The following CDK5RAP2 variants were observed in gnomAD, a reference collection of about 807,000 sequenced individuals.
CDK5RAP2 encodes the protein CDK5 regulatory subunit associated protein 2.
CDK5RAP2 carries 147 observed loss-of-function variants against 232.9 expected under a neutral mutation model. The ratio of observed to expected loss-of-function variants is 0.63; its 90% CI spans 0.55 to 0.72. The LOEUF (loss-of-function observed/expected upper bound fraction) is 0.72. CDK5RAP2 is among the 30% of genes least tolerant of loss of function. CDK5RAP2 has a pLI of 0.00. For synonymous variants in CDK5RAP2, 833 were observed against 833.7 expected (o/e 1.00, Z 0.01); for missense variants, 2,195 against 2,231.5 (o/e 0.98, Z 0.33).
intron 12 of CDK5RAP2, among the ~76,000 whole-genome samples, chr9:120,500,914 C>T (rs1196129221): frequency 3.9e-5 from 6 of 152,078 alleles, no homozygotes; most frequent in African/African-American, 1.2e-4. Flanking sequence ...GGCTAAAGAA[C>T]GGGTACTGAG....
Position 120,439,424 on chromosome 9 carries a change from T to G in CDK5RAP2, c.3697A>C (p.Lys1233Gln). ...LFSEIHNLQNKFRDLSPPRYD... is the reference protein window; with the variant it reads ...LFSEIHNLQNQFRDLSPPRYD... ...CTGGGAGGTGAGAGATCTCTGAACT[T>G]ATTCTGCAGATTATGGATCTCACTG... Residue 1233 changes from lysine (K) to glutamine (Q), a missense_variant, in exon 24 of 38, where the codon AAG becomes CAG. Transcript: ENST00000349780. 4.3e-6 allele frequency: 7 copies of G among 1,614,138 alleles called. No homozygotes were observed. The highest frequency in any genetic ancestry group is 5.9e-6 in the Non-Finnish European group (7 of 1,179,982).
Position 120,460,656 on chromosome 9 carries a change from G to C in CDK5RAP2, c.2118C>G (p.Ser706Arg). The C allele has an allele frequency of 6.2e-7, 1 of 1,613,880 alleles. No homozygotes were observed. Among genetic ancestry groups the C allele is most frequent in the Non-Finnish European group, 8.5e-7 (1 of 1,179,968 alleles). ...ASTEQTELLA[S>R]KEDEDTIKIG... ...TTTTGATCGTGTCCTCGTCCTCCTT[G>C]CTAGCCAGAAGCTACATGGAGCATG... The change falls in exon 19 of 38, where the codon AGC becomes AGG. Residue 706 changes from serine to arginine, a missense_variant. Physicochemically the swap from Ser to Arg is moderately radical, Grantham distance 110. Transcript: ENST00000349780.
At chr9:120,454,599 GA>G (rs1223288751) in intron 20 of CDK5RAP2, among the ~76,000 whole-genome samples, 1 of 152,204 alleles carries the variant, frequency 6.6e-6, no homozygotes, top group Non-Finnish European at 1.5e-5. Context: ...CGGCTGTGTG[GA>G]CAGTTCCCAT....
chr9:120,471,727 C>G, intron 16 of CDK5RAP2, 21 bp downstream of exon 16: 6 of 1,613,948 alleles, frequency 3.7e-6, no homozygotes, highest in Non-Finnish European at 5.1e-6. Flanking sequence ...CAAAGAGAAG[C>G]ACATAGAATA....
chr9:120,486,823 C>T (rs548206960), intron 14 of CDK5RAP2, among the ~76,000 whole-genome samples: 2 of 152,214 alleles, frequency 1.3e-5, no homozygotes, highest in African/African-American at 2.4e-5. Context: ...TCAGTCCAGG[C>T]AGATGGAACT....
chr9:120,539,011 A>T (rs777127359), intron 6 of CDK5RAP2, 30 bp downstream of exon 6: 1 of 1,612,436 alleles, frequency 6.2e-7, no homozygotes, highest in Non-Finnish European at 8.5e-7. Flanking sequence ...ACTATAAGAA[A>T]TACACTGCCC....
chr9:120,568,180 A>G, intron 3 of CDK5RAP2, 141 bp downstream of exon 3: 1 of 749,838 alleles, frequency 1.3e-6, no homozygotes, highest in Admixed American at 1.8e-5. Context: ...AGTCTCACAG[A>G]AGATGTCCAT....
At chr9:120,548,316 T>C (rs1026546696) in intron 4 of CDK5RAP2, among the ~76,000 whole-genome samples, 4 of 152,164 alleles carry the variant, frequency 2.6e-5, no homozygotes, top group Admixed American at 6.6e-5. Flanking sequence ...TGATATAATA[T>C]ACTCTACGTG....
At chr9:120,470,877 C>T (rs764558149) in intron 16 of CDK5RAP2, among the ~76,000 whole-genome samples, 1 of 152,134 alleles carries the variant, frequency 6.6e-6, no homozygotes, top group Non-Finnish European at 1.5e-5. Context: ...TCATTTAACA[C>T]ACACGTGTAA....
At chr9:120,418,384 G>A (rs2034363817) in intron 27 of CDK5RAP2, among the ~76,000 whole-genome samples, 1 of 152,228 alleles carries the variant, frequency 6.6e-6, no homozygotes, top group African/African-American at 2.4e-5. Context: ...GAACTGCCTA[G>A]TGAAAAGAAT....
chr9:120,453,674 T>C lies in CDK5RAP2; in HGVS notation c.2575A>G (p.Lys859Glu). Reference sequence around the variant, plus strand: ...CCTACCTTGGGCACTTCGCCTGCCTTTACTAGCTGGGCCTCACAAGACAAC... The same window carrying C: ...CCTACCTTGGGCACTTCGCCTGCCTCTACTAGCTGGGCCTCACAAGACAAC... ...LKLSCEAQLV[K>E]AGEVPKVGLK... The change falls in exon 21 of 38, where the codon AAG (lysine) becomes GAG (glutamate). Residue 859 changes from lysine (K) to glutamate (E), a missense_variant. Physicochemically the swap from Lys to Glu is moderately conservative, Grantham distance 56. Coordinates refer to ENST00000349780, the MANE Select transcript of CDK5RAP2 (RefSeq NM_018249.6). 1 of 1,614,206 alleles carries C rather than the reference T, an allele frequency of 6.2e-7. No homozygotes were observed. Among genetic ancestry groups the C allele is most frequent in the Non-Finnish European group, 8.5e-7 (1 of 1,180,034 alleles).
chr9:120,422,262 T>A (rs891986492), intron 26 of CDK5RAP2, among the ~76,000 whole-genome samples: 1 of 152,098 alleles, frequency 6.6e-6, no homozygotes, highest in African/African-American at 2.4e-5. Flanking sequence ...AGTGCACAGC[T>A]ATGGTGTGGA....
chr9:120,406,697 G>GA, intron 32 of CDK5RAP2: 1 of 372,430 alleles, frequency 2.7e-6, no homozygotes, highest in East Asian at 4.6e-5. Flanking sequence ...GAAACTAAAA[G>GA]AAATTTCAGC....
At chr9:120,461,700 G>T (rs747651539) in intron 18 of CDK5RAP2, among the ~76,000 whole-genome samples, 5 of 152,116 alleles carry the variant, frequency 3.3e-5, no homozygotes, top group Non-Finnish European at 5.9e-5. Flanking sequence ...AAATTCGCCG[G>T]GTGTGGTGGT....
In CDK5RAP2 at chr9:120,487,313, C is replaced by T; in HGVS notation, c.1607G>A (p.Ser536Asn). ...GCTTACCTTAGAGAAGATGGTTTTG[C>T]TGCCTGGTGGCTGTTGAGAAGAGCA... is the stretch of plus-strand genomic sequence containing the variant. ...EKCSSQQPPGSKTIFSKEKKQ... is the reference protein window; with the variant it reads ...EKCSSQQPPGNKTIFSKEKKQ... Residue 536 changes from serine (S) to asparagine (N), a missense_variant, in exon 14 of 38, where the codon AGC becomes AAC. Ser to Asn is a conservative substitution (Grantham distance 46). Coordinates refer to ENST00000349780, the MANE Select transcript of CDK5RAP2 (RefSeq NM_018249.6). 1 of 1,614,112 alleles carries T rather than the reference C, an allele frequency of 6.2e-7. No homozygotes were observed. Among genetic ancestry groups the T allele is most frequent in the South Asian group, 1.1e-5 (1 of 91,086 alleles).
intron 12 of CDK5RAP2, among the ~76,000 whole-genome samples, chr9:120,497,894 T>C (rs2039386991): frequency 6.6e-6 from 1 of 152,188 alleles, no homozygotes; most frequent in Admixed American, 6.5e-5. Flanking sequence ...GCTACCCTGA[T>C]GCACCATAAT....
chr9:120,564,561 G>T (rs1226200957), intron 3 of CDK5RAP2, among the ~76,000 whole-genome samples: 1 of 150,790 alleles, frequency 6.6e-6, no homozygotes, highest in Non-Finnish European at 1.5e-5. Context: ...TCACAGCTTT[G>T]TTTATAAAAG....
intron 3 of CDK5RAP2, among the ~76,000 whole-genome samples, chr9:120,553,498 G>A (rs898477216): frequency 2.0e-4 from 30 of 151,976 alleles, no homozygotes; most frequent in African/African-American, 6.5e-4. Context: ...AATTCCTCTC[G>A]TTACCCTGTT....
At chr9:120,518,784 C>CA (rs1273470689) in intron 11 of CDK5RAP2, 139 bp from the exon 12 acceptor site, 2 of 680,032 alleles carry the variant, frequency 2.9e-6, no homozygotes, top group East Asian at 5.4e-5. Flanking sequence ...GAAACCAAAG[C>CA]AAAAATAATA....
Sources: gnomAD v4.1 joint callset for allele counts (sites outside exome capture counted in the v4.1 genomes callset) on GRCh38, gnomAD v4.1.1 for gene constraint, MANE v1.5 for transcripts, NCBI Gene and HGNC (gene_info 2026-07-23, HGNC 2026-07-21) for gene names.